The following RASA3 variants were observed in gnomAD, a reference collection of about 807,000 sequenced individuals.
The protein encoded by RASA3 is RAS p21 protein activator 3.
A neutral mutation model predicts 110.0 loss-of-function variants in RASA3; 73 were observed. The ratio of observed to expected loss-of-function variants is 0.66; its 90% CI spans 0.55 to 0.81. The LOEUF is 0.81. RASA3 is among the 30% of genes least tolerant of loss of function. The pLI is 0.00. For missense variants in RASA3, 976 were observed against 1,113.2 expected (o/e 0.88, Z 1.75); for synonymous variants, 500 against 451.4 (o/e 1.11, Z -1.37).
chr13:114,122,729 A>AG (rs1211537616), intron 1 of RASA3, among the ~76,000 whole-genome samples: 1 of 151,352 alleles, frequency 6.6e-6, no homozygotes, highest in Non-Finnish European at 1.5e-5. Flanking sequence ...GCAGCTAGGA[A>AG]GGGGGTCTCC....
rs1304922148 is a variant in RASA3, at chr13:114,115,088, C to T, written c.55+17347G>A. The stretch of plus-strand genomic sequence containing the variant: ...CCCAGCTGTGAGATGCTGCAGGTCC[C>T]GGCAGGAGAAGGCTTCTCCACAGAG... On this transcript the variant is annotated intron_variant, in intron 1 of 23. Coordinates refer to ENST00000334062, the MANE Select transcript of RASA3 (RefSeq NM_007368.4). The surrounding 1 kb of genome is among the most constrained non-coding windows in gnomAD (Gnocchi z 5.0). Among the ~76,000 whole-genome samples, 1 of 152,282 alleles carries T rather than the reference C, an allele frequency of 6.6e-6. No homozygotes were observed. Among genetic ancestry groups the T allele is most frequent in the South Asian group, 2.1e-4 (1 of 4,820 alleles).
chr13:114,094,347 C>A (rs80032314), intron 1 of RASA3, among the ~76,000 whole-genome samples: 2,146 of 152,336 alleles, frequency 0.014, 139 homozygotes, highest in Admixed American at 0.1. Context: ...CATAGCAGCA[C>A]TATTCACAAT....
In RASA3 at chr13:114,018,084, G is replaced by C. The variant is rs1434413946; in HGVS notation, c.1091+20C>G. ...TAGCGGGTCCAGGCCGCTCTCCCCC[G>C]GGGCAGGGTGGGCACTCACTGGGTC... On this transcript the variant is annotated intron_variant, in intron 11 of 23. Coordinates refer to ENST00000334062, the MANE Select transcript of RASA3 (RefSeq NM_007368.4). 2.0e-6 allele frequency: 3 copies of C among 1,495,866 alleles called. No homozygotes were observed. Among genetic ancestry groups the C allele is most frequent in the African/African-American group, 1.4e-5 (1 of 71,728 alleles). The allele number at this position is 1,495,866 out of a possible 1,614,324, so 92.7% of individuals were successfully genotyped here.
intron 1 of RASA3, among the ~76,000 whole-genome samples, chr13:114,104,027 CAGACACCCACCCCCGATGCGTCCAT>C (rs2080097882): frequency 1.5e-5 from 1 of 68,790 alleles, no homozygotes; most frequent in African/African-American, 5.6e-5. Context: ...CCCCCGGCCA[CAGACACCCACCCCCGATGCGTCCAT>C]GCTGCCACGG....
chr13:114,068,992 G>A (rs1409383093), intron 2 of RASA3, among the ~76,000 whole-genome samples: 2 of 152,170 alleles, frequency 1.3e-5, no homozygotes, highest in South Asian at 2.1e-4. Flanking sequence ...CCCAGACGTC[G>A]GCTCAGCACT....
At chr13:114,035,045 T>G (rs1012551751) in intron 4 of RASA3, among the ~76,000 whole-genome samples, 4 of 149,776 alleles carry the variant, frequency 2.7e-5, no homozygotes, top group Admixed American at 1.3e-4. Context: ...AACGCTGACC[T>G]GAGCTTAGAG....
chr13:114,060,911 A>C (rs915013549), intron 2 of RASA3, among the ~76,000 whole-genome samples: 2 of 119,126 alleles, frequency 1.7e-5, no homozygotes, highest in African/African-American at 6.1e-5. Context: ...GGGGCCTCCA[A>C]AGCCGGCAGA....
chr13:114,002,767 G>A (rs576003603), intron 18 of RASA3, among the ~76,000 whole-genome samples: 1 of 152,294 alleles, frequency 6.6e-6, no homozygotes, highest in Non-Finnish European at 1.5e-5. Flanking sequence ...CTGGGCGCCT[G>A]GCTCTCCAGG....
In RASA3 at chr13:114,011,142, A is replaced by G; in HGVS notation, c.1590+29T>C. 1 of 1,571,976 alleles carries G rather than the reference A, an allele frequency of 6.4e-7. No homozygotes were observed. The highest frequency in any genetic ancestry group is 8.7e-7 in the Non-Finnish European group (1 of 1,143,918). ...GAGAGAAAAGAATCAGTTGTCCCTA[A>G]AAAGAGAAAATGAAGAAGAGGGACT... is the stretch of plus-strand genomic sequence containing the variant. On this transcript the variant is annotated intron_variant, in intron 16 of 23. Coordinates refer to ENST00000334062, the MANE Select transcript of RASA3 (RefSeq NM_007368.4). This position sits in a 1 kb window ranked among gnomAD's most constrained non-coding sequence, Gnocchi z 4.8.
At chr13:114,022,404 G>T (rs548537428) in intron 8 of RASA3, among the ~76,000 whole-genome samples, 1 of 152,282 alleles carries the variant, frequency 6.6e-6, no homozygotes, top group East Asian at 1.9e-4. Context: ...GAAGTCATGC[G>T]TGGCCAGCCC....
chr13:114,009,269 A>G (rs2053580356), intron 17 of RASA3, 118 bp downstream of exon 17: 8 of 839,266 alleles, frequency 9.5e-6, no homozygotes, highest in Non-Finnish European at 1.6e-5. Context: ...GAACGCCTTT[A>G]TTGTTTAAAA....
At chr13:114,024,729 G>A (rs2053995948) in intron 7 of RASA3, among the ~76,000 whole-genome samples, 1 of 152,244 alleles carries the variant, frequency 6.6e-6, no homozygotes, top group Non-Finnish European at 1.5e-5. Flanking sequence ...TGGAGACGAA[G>A]CCAGCGCCGC....
chr13:113,995,444 C>G (rs998278227), intron 21 of RASA3, among the ~76,000 whole-genome samples: 1 of 152,266 alleles, frequency 6.6e-6, no homozygotes. Flanking sequence ...CACAGCTCAT[C>G]CCCTGCAGGG....
At chr13:114,017,206 T>G in intron 12 of RASA3, 31 bp downstream of exon 12, 1 of 1,574,956 alleles carries the variant, frequency 6.3e-7, no homozygotes, top group Non-Finnish European at 8.7e-7. Context: ...CCACGCCTCG[T>G]GAGGCTGAGG....
chr13:114,008,576 T>C (rs12858876), intron 17 of RASA3, among the ~76,000 whole-genome samples: 772 of 21,650 alleles, frequency 0.036, 33 homozygotes, highest in Non-Finnish European at 0.043. Context: ...CGTTCCTGAC[T>C]GTGGGGAGGA....
At chr13:114,099,424 C>T (rs368307150) in intron 1 of RASA3, among the ~76,000 whole-genome samples, 168 of 151,920 alleles carry the variant, frequency 1.1e-3, no homozygotes, top group Non-Finnish European at 1.2e-3. Flanking sequence ...GGAGGGAGGG[C>T]GACTGCCTCT....
At chr13:114,002,267 G>A (rs543243234) in intron 18 of RASA3, among the ~76,000 whole-genome samples, 1 of 152,356 alleles carries the variant, frequency 6.6e-6, no homozygotes, top group South Asian at 2.1e-4. Context: ...AGCCAGATGT[G>A]GCCAGAGAGC....
chr13:114,128,401 C>A (rs2080477557), intron 1 of RASA3, among the ~76,000 whole-genome samples: 1 of 152,260 alleles, frequency 6.6e-6, no homozygotes, highest in South Asian at 2.1e-4. Flanking sequence ...TGAGGGAGTC[C>A]ATCAGGCTGA....
In RASA3 at chr13:114,132,523, A is replaced by G. The variant is rs1223911053; in HGVS notation, c.-34T>C. On this transcript the variant is annotated 5_prime_UTR_variant, in exon 1 of 24. Coordinates refer to ENST00000334062, the MANE Select transcript of RASA3 (RefSeq NM_007368.4). ...TCCGCGCCCGCCGAGCCTCGCCCCA[A>G]GCGCGCGCCGAGCCCGGGCAGCTCA... 1.2e-5 allele frequency: 18 copies of G among 1,458,480 alleles called. No homozygotes were observed. The highest frequency in any genetic ancestry group is 1.5e-5 in the African/African-American group (1 of 68,392). 90.3% of individuals were successfully genotyped at this position (1,458,480 alleles called of 1,614,324 possible).
Sources: allele counts gnomAD v4.1 joint callset (sites outside exome capture counted in the v4.1 genomes callset), GRCh38; gene constraint gnomAD v4.1.1; non-coding constraint Gnocchi (gnomAD v3.1); transcripts MANE v1.5; gene names NCBI Gene and HGNC (gene_info 2026-07-23, HGNC 2026-07-21).